PTPN13: variants seen among roughly 807,000 people sequenced by gnomAD.
PTPN13 encodes protein tyrosine phosphatase non-receptor type 13, also known as tyrosine-protein phosphatase non-receptor type 13.
A neutral mutation model predicts 284.0 loss-of-function variants in PTPN13; 191 were observed. That is an observed-to-expected ratio of 0.67 (90% confidence interval 0.60 to 0.76). The LOEUF is 0.76. PTPN13 is among the 30% of genes least tolerant of loss of function. The pLI is 0.00. For synonymous variants in PTPN13, 986 were observed against 1,022.3 expected, an observed-to-expected ratio of 0.96 and a Z score of 0.68; for missense variants, 2,797 against 2,939.9, an observed-to-expected ratio of 0.95 and a Z score of 1.12.
chr4:86,634,591 A>ACCCAAAAT (rs1722809278), intron 1 of PTPN13, among the ~76,000 whole-genome samples: 2 of 152,260 alleles, frequency 1.3e-5, no homozygotes, highest in East Asian at 3.9e-4. Context: ...TGTCATAGCC[A>ACCCAAAAT]CCCAAAATGA....
intron 1 of PTPN13, among the ~76,000 whole-genome samples, chr4:86,625,788 C>T (rs1721769923): frequency 2.0e-5 from 3 of 152,130 alleles, no homozygotes; most frequent in Admixed American, 6.6e-5. Flanking sequence ...CAGTTTACAA[C>T]GTGAAAGGAA....
In PTPN13 at chr4:86,610,334, G is replaced by C. The variant is rs371803435; in HGVS notation, c.-6+15545G>C. On this transcript the variant is annotated intron_variant, in intron 1 of 47. Transcript: ENST00000411767. ...GGTAGAAAATAAGAACTCTTTCAAA[G>C]TATCTTTCTAGGAATCTATCTCCCC... 1.3e-4 allele frequency among the ~76,000 whole-genome samples: 20 copies of C among 152,290 alleles called. No individual in the cohort carries two copies. The East Asian group carries it at 1.3e-3, about 10-fold the overall frequency.
At chr4:86,633,014 C>A (rs1282899182) in intron 1 of PTPN13, among the ~76,000 whole-genome samples, 1 of 152,010 alleles carries the variant, frequency 6.6e-6, no homozygotes, top group African/African-American at 2.4e-5. Flanking sequence ...CCATGTTGTC[C>A]AGGCTGGTTT....
rs764867807 is a variant in PTPN13 at position 86,766,508 on chromosome 4, T to C, written c.4320T>C (p.Asn1440=). The change falls in exon 27 of 48, where the codon AAT becomes AAC. Residue 1440 remains asparagine (N), a synonymous_variant. Coordinates refer to ENST00000411767, the MANE Select transcript of PTPN13 (RefSeq NM_080683.3). ...AGCAAGCTGTGGAAACACTGAGAAA[T>C]ACAGGACAGGTAACAGATCATTATA... The part of the protein sequence containing the change: ...THKQAVETLR[N]TGQVVHLLLE... The C allele has an allele frequency of 6.2e-7, 1 of 1,604,390 alleles. No homozygotes were observed. Among genetic ancestry groups the C allele is most frequent in the South Asian group, 1.1e-5 (1 of 88,628 alleles).
intron 6 of PTPN13, among the ~76,000 whole-genome samples, chr4:86,699,559 G>C (rs866394506): frequency 6.4e-4 from 97 of 152,234 alleles, no homozygotes; most frequent in African/African-American, 2.0e-3. Flanking sequence ...CAGTCATTGT[G>C]GAAAGTAAGC....
At chr4:86,658,226 A>G (rs552896024) in intron 2 of PTPN13, among the ~76,000 whole-genome samples, 1 of 152,216 alleles carries the variant, frequency 6.6e-6, no homozygotes, top group South Asian at 2.1e-4. Context: ...CTGCTATGAC[A>G]GAGCAGCACT....
At position 86,814,879 on chromosome 4, in the gene PTPN13, G is replaced by A. The variant is rs1745621563; in HGVS notation, c.*328G>A. 1.1e-5 allele frequency: 2 copies of A among 189,408 alleles called. No homozygotes were observed. The highest frequency in any genetic ancestry group is 1.2e-4 in the Admixed American group (2 of 16,708). The allele number at this position is 189,408 out of a possible 1,614,324, so 11.7% of individuals were successfully genotyped here. On this transcript the variant is annotated 3_prime_UTR_variant, in exon 48 of 48. Coordinates refer to ENST00000411767, the MANE Select transcript of PTPN13 (RefSeq NM_080683.3). ...TTTTAATGCACCAATCTTGTTTATA[G>A]CAAAAATGTTTTCCAATATTTTAAT...
At chr4:86,607,722 CA>C (rs1296915387) in intron 1 of PTPN13, among the ~76,000 whole-genome samples, 1 of 152,018 alleles carries the variant, frequency 6.6e-6, no homozygotes, top group African/African-American at 2.4e-5. Flanking sequence ...GAGACCTTGG[CA>C]GTCTAATTTG....
chr4:86,807,860 G>T lies in PTPN13; in HGVS notation c.7046G>T (p.Gly2349Val), dbSNP rs921101387. 4.3e-6 allele frequency: 7 copies of T among 1,613,796 alleles called. No homozygotes were observed. The highest frequency in any genetic ancestry group is 5.9e-6 in the Non-Finnish European group (7 of 1,179,838). ...LALVRMQQLK[G>V]FVVRAMTLED... ...CTTGTGAGAATGCAGCAGCTGAAGG[G>T]CTTTGTGGTGAGGGCAATGACCCTT... The change falls in exon 45 of 48, where the codon GGC becomes GTC. Residue 2349 changes from glycine to valine, a missense_variant. Physicochemically the swap from Gly to Val is moderately radical, Grantham distance 109 (BLOSUM62 -3). Transcript: ENST00000411767.
chr4:86,736,631 A>T (rs1460041785), intron 15 of PTPN13, among the ~76,000 whole-genome samples: 1 of 152,176 alleles, frequency 6.6e-6, no homozygotes, highest in Admixed American at 6.5e-5. Context: ...TAGTTATTAC[A>T]TTTTTATACT....
chr4:86,655,775 T>C (rs1488839636), intron 2 of PTPN13, among the ~76,000 whole-genome samples: 4 of 152,278 alleles, frequency 2.6e-5, no homozygotes, highest in East Asian at 1.9e-4. Flanking sequence ...TTTCCTGAAT[T>C]TGAACGTTGG....
At chr4:86,684,184 A>G (rs138591461) in intron 3 of PTPN13, among the ~76,000 whole-genome samples, 46 of 152,320 alleles carry the variant, frequency 3.0e-4, no homozygotes, top group African/African-American at 9.6e-4. Context: ...TAACTACGTC[A>G]TCAAAGTGTG....
Position 86,701,234 on chromosome 4 carries a change from A to G in PTPN13, c.635-7A>G. 6.5e-7 allele frequency: 1 copy of G among 1,533,814 alleles called. No homozygotes were observed. The highest frequency in any genetic ancestry group is 1.3e-5 in the South Asian group (1 of 77,040). ...TGTGCATACATGATAGATTCTTATC[A>G]TTCCAGGAAGAAGCTCTACTTCTGA... On this transcript the variant is annotated splice_region_variant and splice_polypyrimidine_tract_variant and intron_variant, in intron 6 of 47. Transcript: ENST00000411767.
chr4:86,735,960 G>A, intron 15 of PTPN13, among the ~76,000 whole-genome samples: 1 of 152,064 alleles, frequency 6.6e-6, no homozygotes, highest in East Asian at 1.9e-4. Context: ...AGAGATATGG[G>A]GCAGATATGA....
chr4:86,800,326 T>C (rs921069929), intron 42 of PTPN13, among the ~76,000 whole-genome samples: 7 of 152,038 alleles, frequency 4.6e-5, no homozygotes, highest in African/African-American at 1.7e-4. Context: ...GGTTTTGTCA[T>C]TCAAAGCAAA....
At chr4:86,769,280 T>C (rs1193318819) in intron 28 of PTPN13, among the ~76,000 whole-genome samples, 1 of 152,166 alleles carries the variant, frequency 6.6e-6, no homozygotes, top group Non-Finnish European at 1.5e-5. Flanking sequence ...GTTTCTCCCA[T>C]ACCTGTCCTT....
intron 47 of PTPN13, 42 bp from the exon 48 acceptor site, chr4:86,814,414 T>A (rs1209852207): frequency 1.6e-6 from 2 of 1,259,558 alleles, no homozygotes; most frequent in Non-Finnish European, 2.3e-6. Flanking sequence ...AATATTTACA[T>A]TATACATCTA....
chr4:86,777,699 T>G (rs1348622152), intron 35 of PTPN13, among the ~76,000 whole-genome samples: 1 of 152,202 alleles, frequency 6.6e-6, no homozygotes, highest in Admixed American at 6.5e-5. Flanking sequence ...TTTTAAAGTA[T>G]GGGAACTTGT....
chr4:86,643,197 A>G (rs894446032), intron 2 of PTPN13, among the ~76,000 whole-genome samples: 2 of 152,244 alleles, frequency 1.3e-5, no homozygotes, highest in African/African-American at 2.4e-5. Flanking sequence ...CGTTAAAAAG[A>G]TAATAGAATA....
Sources: gnomAD v4.1 joint callset for allele counts (sites outside exome capture counted in the v4.1 genomes callset) on GRCh38, gnomAD v4.1.1 for gene constraint, MANE v1.5 for transcripts, NCBI Gene and HGNC (gene_info 2026-07-23, HGNC 2026-07-21) for gene names.